The following MYO3B variants were observed in gnomAD, a reference collection of about 807,000 sequenced individuals.
MYO3B encodes myosin IIIB.
MYO3B carries 156 observed loss-of-function variants against 174.6 expected under a neutral mutation model. The ratio of observed to expected loss-of-function variants is 0.89; its 90% confidence interval spans 0.78 to 1.02. The LOEUF (loss-of-function observed/expected upper bound fraction) is 1.02. Ranked by LOEUF, MYO3B falls within the 50% of genes least tolerant of loss-of-function variation. MYO3B has a pLI of 0.00. For missense variants in MYO3B, 1,632 were observed against 1,639.4 expected (o/e 1.00, Z 0.08); for synonymous variants, 563 against 569.1 (o/e 0.99, Z 0.15).
At chr2:170,379,036 C>G (rs946297000) in intron 9 of MYO3B, among the ~76,000 whole-genome samples, 1 of 152,166 alleles carries the variant, frequency 6.6e-6, no homozygotes, top group African/African-American at 2.4e-5. Context: ...GGGCTTACTC[C>G]ATCTTGACCA....
chr2:170,456,223 G>A (rs2105939276), intron 23 of MYO3B, among the ~76,000 whole-genome samples: 2 of 152,284 alleles, frequency 1.3e-5, no homozygotes, highest in East Asian at 3.9e-4. Flanking sequence ...AACATACAAT[G>A]GCCTGGGACA....
chr2:170,649,215 A>ATTATATATAAAATAAT (rs1698735167), intron 32 of MYO3B, among the ~76,000 whole-genome samples: 4 of 26,228 alleles, frequency 1.5e-4, no homozygotes, highest in African/African-American at 6.6e-4. Context: ...AATAATATAT[A>ATTATATATAAAATAAT]ATATATTATA....
chr2:170,244,678 T>G (rs544100556), intron 7 of MYO3B, among the ~76,000 whole-genome samples: 1 of 152,296 alleles, frequency 6.6e-6, no homozygotes, highest in African/African-American at 2.4e-5. Context: ...TACTAAAATT[T>G]TTTTCATTTT....
Position 170,386,260 on chromosome 2 carries a change from T to C in MYO3B, c.1362T>C (p.Thr454=). 1 of 1,613,314 alleles carries C rather than the reference T, an allele frequency of 6.2e-7. No homozygotes were observed. Among genetic ancestry groups the C allele is most frequent in the Non-Finnish European group, 8.5e-7 (1 of 1,179,442 alleles). ...ESAHLIVQHL[T]FLGKANNQTL... ...CCCACCTGATTGTTCAGCATTTGAC[T>C]TTCTTGGGAAAGGTATTGACTAATC... The change falls in exon 13 of 35, where the codon ACT becomes ACC. Residue 454 remains threonine, a synonymous_variant. Coordinates refer to ENST00000408978, the MANE Select transcript of MYO3B (RefSeq NM_138995.5).
At position 170,236,029 on chromosome 2, in the gene MYO3B, C is replaced by T. The variant is rs868155328; in HGVS notation, c.642C>T (p.Asp214=). 2.5e-6 allele frequency: 4 copies of T among 1,613,958 alleles called. No homozygotes were observed. The highest frequency in any genetic ancestry group is 2.7e-5 in the African/African-American group (2 of 74,902). ...ACEQQYDSSY[D]ARCDVWSLGI... is the part of the protein sequence containing the mutation. ...AGCAGCAGTATGACTCTTCCTATGA[C>T]GCTCGCTGTGACGTCTGGTCCTTGG... is the stretch of plus-strand genomic sequence containing the variant. The change falls in exon 7 of 35, where the codon GAC becomes GAT. Residue 214 remains aspartate (D), a synonymous_variant. Transcript: ENST00000408978.
chr2:170,423,488 A>C (rs2094634953), intron 22 of MYO3B, among the ~76,000 whole-genome samples: 1 of 152,146 alleles, frequency 6.6e-6, no homozygotes, highest in African/African-American at 2.4e-5. Flanking sequence ...GCTTCTTCAT[A>C]AAATATTTAT....
chr2:170,649,579 C>A (rs1461029010), intron 32 of MYO3B, among the ~76,000 whole-genome samples: 1 of 149,242 alleles, frequency 6.7e-6, no homozygotes, highest in Non-Finnish European at 1.5e-5. Flanking sequence ...GTAATCCCAG[C>A]ACTTTAGGAG....
chr2:170,624,309 C>T (rs1208723887), intron 32 of MYO3B, among the ~76,000 whole-genome samples: 4 of 152,052 alleles, frequency 2.6e-5, no homozygotes, highest in African/African-American at 9.7e-5. Flanking sequence ...AGTTGCATTC[C>T]GAGGCATTTT....
chr2:170,546,606 A>G lies in MYO3B; in HGVS notation c.3733+2618A>G, dbSNP rs1690505180. On this transcript the variant is annotated intron_variant, in intron 32 of 34. Transcript: ENST00000408978. ...GAAGACGTGAGAAAACACTATATGT[A>G]AATCGAATTCCCCTTGATCTTAGAA... 2.0e-5 allele frequency among the ~76,000 whole-genome samples: 3 copies of G among 152,244 alleles called. No homozygotes were observed. The South Asian group carries it at 6.2e-4, about 32-fold the overall frequency.
rs2106101552 is a variant in MYO3B, at chr2:170,506,583, A to G, written c.3370+4718A>G. Among the ~76,000 whole-genome samples the G allele has an allele frequency of 2.0e-5, 3 of 152,354 alleles. No individual in the cohort carries two copies. The East Asian group carries it at 5.8e-4, about 29-fold the overall frequency. On this transcript the variant is annotated intron_variant, in intron 28 of 34. Transcript: ENST00000408978. ...TGGGGCTTCAAATTATCCAACTCCAATACAGAGCACTCTAAAATATGCTTT... is the reference window on the plus strand; with the variant it reads ...TGGGGCTTCAAATTATCCAACTCCAGTACAGAGCACTCTAAAATATGCTTT...
At chr2:170,422,144 A>G (rs2094620487) in intron 22 of MYO3B, among the ~76,000 whole-genome samples, 1 of 152,182 alleles carries the variant, frequency 6.6e-6, no homozygotes, top group Non-Finnish European at 1.5e-5. Flanking sequence ...TTAAAATTGA[A>G]CAGACCAACC....
At chr2:170,254,669 C>T (rs1559338186) in intron 7 of MYO3B, among the ~76,000 whole-genome samples, 1 of 152,182 alleles carries the variant, frequency 6.6e-6, no homozygotes, top group Non-Finnish European at 1.5e-5. Context: ...GTGAGCACAC[C>T]ACCCAGGGAT....
rs114355589 is a variant in MYO3B at position 170,195,050 on chromosome 2, C to A, written c.3-4158C>A. ...TCTGGCAACTGATTAGATGGTCCCA[C>A]CTAGATTGAGTGTGGGTCTGCCTCT... On this transcript the variant is annotated intron_variant, in intron 1 of 34. Transcript: ENST00000408978. Among the ~76,000 whole-genome samples, 457 of 152,102 alleles carry A rather than the reference C, an allele frequency of 3.0e-3. 3 individuals carry two copies. Among genetic ancestry groups the A allele is most frequent in the African/African-American group, 0.011 (436 of 41,490 alleles).
rs560133047 is a variant in MYO3B, at chr2:170,604,226, CAG to C, written c.3734-47399_3734-47398del. On this transcript the variant is annotated intron_variant, in intron 32 of 34. Transcript: ENST00000408978. ...ATTGAAATATGAAAAAAGCAAAGCA[CAG>C]AGTGTGTAAATATGCTCACATTTGA... is the stretch of plus-strand genomic sequence containing the variant. Among the ~76,000 whole-genome samples, 104 of 152,276 alleles carry C rather than the reference CAG, an allele frequency of 6.8e-4. 1 individual carries two copies. The highest frequency in any genetic ancestry group is 2.5e-3 in the African/African-American group (102 of 41,576).
intron 25 of MYO3B, among the ~76,000 whole-genome samples, chr2:170,486,444 A>G (rs914079021): frequency 5.9e-5 from 9 of 151,738 alleles, no homozygotes; most frequent in African/African-American, 2.2e-4. Context: ...AGCTGGGATT[A>G]CAGGCATACA....
At chr2:170,294,317 G>T (rs1046849674) in intron 7 of MYO3B, among the ~76,000 whole-genome samples, 2 of 150,910 alleles carry the variant, frequency 1.3e-5, no homozygotes, top group Admixed American at 1.3e-4. Context: ...ATAATATATA[G>T]ATAAAATAAT....
chr2:170,340,988 G>C (rs2093973538), intron 8 of MYO3B: 2 of 152,174 alleles, frequency 1.3e-5, no homozygotes, highest in African/African-American at 4.8e-5. Context: ...GTCATCAAAT[G>C]TTGAAGCAGT....
At chr2:170,188,445 GAGTTT>G (rs2092497518) in intron 1 of MYO3B, among the ~76,000 whole-genome samples, 1 of 152,062 alleles carries the variant, frequency 6.6e-6, no homozygotes, top group African/African-American at 2.4e-5. Context: ...TTTGATTGGA[GAGTTT>G]AGTTCATTTA....
chr2:170,439,754 C>G (rs1016094056), intron 22 of MYO3B, among the ~76,000 whole-genome samples: 1 of 152,164 alleles, frequency 6.6e-6, no homozygotes, highest in African/African-American at 2.4e-5. Context: ...TATCCCTGTT[C>G]ACTGCAAGCT....
Sources: gnomAD v4.1 joint callset for allele counts (sites outside exome capture counted in the v4.1 genomes callset) on GRCh38, gnomAD v4.1.1 for gene constraint, MANE v1.5 for transcripts, NCBI Gene and HGNC (gene_info 2026-07-23, HGNC 2026-07-21) for gene names.